EXOC6: variants seen among roughly 807,000 people sequenced by gnomAD.
EXOC6 encodes exocyst complex component 6, also known as SEC15-like 1.
Under a neutral mutation model 112.5 loss-of-function variants are expected in EXOC6, and 60 were observed. The ratio of observed to expected loss-of-function variants is 0.53; its 90% CI spans 0.43 to 0.66. The LOEUF is 0.66. Among genes scored for constraint, EXOC6 ranks in the 30% least tolerant of loss-of-function variants. The pLI is 0.00. For synonymous variants in EXOC6, 295 were observed against 308.0 expected (o/e 0.96, Z 0.44); for missense variants, 855 against 957.1 (o/e 0.89, Z 1.41).
chr10:92,946,180 C>T (rs1852985523), intron 13 of EXOC6, among the ~76,000 whole-genome samples: 1 of 152,102 alleles, frequency 6.6e-6, no homozygotes, highest in African/African-American at 2.4e-5. Flanking sequence ...CCTGTAGTCC[C>T]AGCTGCTCAG....
intron 7 of EXOC6, among the ~76,000 whole-genome samples, chr10:92,916,640 C>G (rs1311896051): frequency 6.6e-6 from 1 of 152,220 alleles, no homozygotes; most frequent in African/African-American, 2.4e-5. Flanking sequence ...TCTTTCAAAA[C>G]AATTTGCATA....
At chr10:93,020,697 T>G (rs1351655542) in intron 20 of EXOC6, among the ~76,000 whole-genome samples, 2 of 152,138 alleles carry the variant, frequency 1.3e-5, no homozygotes, top group Non-Finnish European at 2.9e-5. Context: ...CTAACTTGAT[T>G]TGTCTTTTCA....
intron 9 of EXOC6, 116 bp downstream of exon 9, chr10:92,928,538 C>A: frequency 3.3e-6 from 2 of 610,704 alleles, no homozygotes; most frequent in Non-Finnish European, 5.7e-6. Flanking sequence ...TATTGAACAC[C>A]TACCATTTCC....
chr10:93,039,525 T>A (rs1001465657), intron 20 of EXOC6, among the ~76,000 whole-genome samples: 7 of 152,080 alleles, frequency 4.6e-5, no homozygotes, highest in African/African-American at 1.2e-4. Context: ...ATTCACCCCA[T>A]CCAAATAGAG....
At chr10:92,906,821 A>C (rs1280422781) in intron 5 of EXOC6, among the ~76,000 whole-genome samples, 2 of 152,148 alleles carry the variant, frequency 1.3e-5, no homozygotes, top group African/African-American at 4.8e-5. Context: ...TTACAACATG[A>C]TAGCATCAGA....
At chr10:92,848,695 G>A in intron 1 of EXOC6, 61 bp downstream of exon 1, 1 of 1,212,052 alleles carries the variant, frequency 8.3e-7, no homozygotes, top group South Asian at 2.1e-5. Context: ...CTCCTCACGA[G>A]CCGGGCGGGG....
intron 17 of EXOC6, among the ~76,000 whole-genome samples, chr10:92,967,328 T>C (rs1717422109): frequency 6.6e-6 from 1 of 152,098 alleles, no homozygotes; most frequent in Non-Finnish European, 1.5e-5. Flanking sequence ...TAAAATTTTC[T>C]TCTTTCAGAT....
chr10:92,829,242 A>G (rs1435211641), intron 1 of EXOC6, among the ~76,000 whole-genome samples: 1 of 152,174 alleles, frequency 6.6e-6, no homozygotes, highest in Admixed American at 6.5e-5. Context: ...TGCACTATGT[A>G]AACGTCACAA....
At chr10:93,028,873 A>G (rs1845143905) in intron 20 of EXOC6, among the ~76,000 whole-genome samples, 2 of 152,008 alleles carry the variant, frequency 1.3e-5, no homozygotes, top group African/African-American at 2.4e-5. Flanking sequence ...AATATTACAT[A>G]AACTTAGTTG....
At chr10:92,878,310 C>A (rs913448478) in intron 1 of EXOC6, 6 of 152,032 alleles carry the variant, frequency 3.9e-5, no homozygotes, top group Non-Finnish European at 8.8e-5. Flanking sequence ...CTGTGGACAT[C>A]TCTTTTTGGT....
chr10:92,928,556 G>A (rs1851847255), intron 9 of EXOC6, 134 bp downstream of exon 9: 6 of 563,706 alleles, frequency 1.1e-5, no homozygotes, highest in Non-Finnish European at 1.9e-5. Context: ...TCCAAACATT[G>A]GTTTAGGTGC....
At chr10:92,882,317 G>A (rs1291704051) in intron 1 of EXOC6, among the ~76,000 whole-genome samples, 2 of 152,100 alleles carry the variant, frequency 1.3e-5, no homozygotes, top group African/African-American at 4.8e-5. Flanking sequence ...GCCAAAGCAG[G>A]TGGATCATCT....
At position 92,911,004 on chromosome 10, in the gene EXOC6, A is replaced by T. The variant is rs375247781; in HGVS notation, c.663+1373A>T. On this transcript the variant is annotated intron_variant, in intron 6 of 21. Coordinates refer to ENST00000260762, the MANE Select transcript of EXOC6 (RefSeq NM_019053.6). ...GATGGAACAAGAATGTAAAAATATT[A>T]GTGGAAGATAAATGATGGGAGTTCA... Among the ~76,000 whole-genome samples, 39 of 152,372 alleles carry T rather than the reference A, an allele frequency of 2.6e-4. No homozygotes were observed. The East Asian group carries it at 6.7e-3, about 26-fold the overall frequency.
chr10:92,986,878 G>A (rs2134140709), intron 18 of EXOC6, among the ~76,000 whole-genome samples: 1 of 151,970 alleles, frequency 6.6e-6, no homozygotes, highest in Non-Finnish European at 1.5e-5. Context: ...ACTACGGCAG[G>A]GGCATATATG....
chr10:92,864,781 G>GAGC (rs1848096247), intron 1 of EXOC6, among the ~76,000 whole-genome samples: 1 of 151,976 alleles, frequency 6.6e-6, no homozygotes, highest in African/African-American at 2.4e-5. Context: ...GGGCTTACAC[G>GAGC]AGCAGCCCCC....
intron 1 of EXOC6, among the ~76,000 whole-genome samples, chr10:92,839,853 G>A (rs533684692): frequency 4.5e-4 from 69 of 152,062 alleles, no homozygotes; most frequent in Non-Finnish European, 4.6e-4. Context: ...GCTGTGGGGC[G>A]GGGGTGGATG....
intron 20 of EXOC6, among the ~76,000 whole-genome samples, chr10:93,031,110 G>C (rs1374648677): frequency 2.6e-5 from 4 of 152,152 alleles, no homozygotes; most frequent in African/African-American, 9.7e-5. Flanking sequence ...GAAGGAGGTA[G>C]AGGAACAAAA....
chr10:92,959,955 T>A (rs1853895427), intron 17 of EXOC6, among the ~76,000 whole-genome samples: 2 of 152,324 alleles, frequency 1.3e-5, no homozygotes, highest in South Asian at 4.1e-4. Context: ...ATTTGGCAGC[T>A]TCTTAGAAAG....
intron 17 of EXOC6, among the ~76,000 whole-genome samples, chr10:92,970,513 A>G (rs574763661): frequency 1.3e-5 from 2 of 152,370 alleles, no homozygotes; most frequent in Non-Finnish European, 2.9e-5. Context: ...GGATGACTGT[A>G]TAAGTTAACT....
Sources: allele counts gnomAD v4.1 joint callset (sites outside exome capture counted in the v4.1 genomes callset), GRCh38; gene constraint gnomAD v4.1.1; transcripts MANE v1.5; gene names NCBI Gene and HGNC (gene_info 2026-07-23, HGNC 2026-07-21).